ASIC2: variants seen among roughly 807,000 people sequenced by gnomAD.
The protein encoded by ASIC2 is acid-sensing ion channel 2.
Under a neutral mutation model 57.3 loss-of-function variants are expected in ASIC2, and 25 were observed. That is an observed-to-expected ratio of 0.44 (90% confidence interval 0.32 to 0.61). The LOEUF (loss-of-function observed/expected upper bound fraction) is 0.61. Ranked by LOEUF, ASIC2 falls within the 20% of genes least tolerant of loss-of-function variation. The probability of loss-of-function intolerance (pLI) is 0.06; values close to 1 mark genes in which losing one functional copy is unlikely to be tolerated. For missense variants in ASIC2, 641 were observed against 738.1 expected, an observed-to-expected ratio of 0.87 and a Z score of 1.52; for synonymous variants, 319 against 307.5, an observed-to-expected ratio of 1.04 and a Z score of -0.39.
intron 1 of ASIC2, among the ~76,000 whole-genome samples, chr17:34,132,421 G>A (rs572554058): frequency 2.6e-4 from 40 of 152,196 alleles, no homozygotes; most frequent in South Asian, 1.0e-3. Context: ...GCCGGGTGGA[G>A]GCCAGCTTTT....
At chr17:33,241,379 C>T (rs1908502053) in intron 1 of ASIC2, among the ~76,000 whole-genome samples, 1 of 152,194 alleles carries the variant, frequency 6.6e-6, no homozygotes, top group Admixed American at 6.5e-5. Flanking sequence ...TCCATTCATG[C>T]AATATTCAGC....
rs145594606 is a variant in ASIC2 at position 33,671,652 on chromosome 17, G to C, written c.555+484326C>G. The stretch of plus-strand genomic sequence containing the variant: ...GCCTGCGTGGACATCCACTTGGGAG[G>C]GTCCAAAGGTCTTGGGAAGGCTACA... On this transcript the variant is annotated intron_variant, in intron 1 of 9. Coordinates refer to the ASIC2 transcript ENST00000359872. Among the ~76,000 whole-genome samples, 722 of 152,232 alleles carry C rather than the reference G, an allele frequency of 4.7e-3. 8 individuals are homozygous for C. Among genetic ancestry groups the C allele is most frequent in the African/African-American group, 0.017 (689 of 41,532 alleles).
rs73984030 is a variant in ASIC2, at chr17:33,588,356, T to C, written c.556-476289A>G. On this transcript the variant is annotated intron_variant, in intron 1 of 9. Transcript: ENST00000359872. ...CTTAGGTAAATTCACTTTCTCTTTC[T>C]GGACCTCACCTCCCTCATCTGTTTG... 1.9e-3 allele frequency among the ~76,000 whole-genome samples: 293 copies of C among 152,332 alleles called. 2 individuals are homozygous for C. The highest frequency in any genetic ancestry group is 6.4e-3 in the African/African-American group (267 of 41,588).
intron 1 of ASIC2, among the ~76,000 whole-genome samples, chr17:34,022,533 A>G (rs1376645127): frequency 6.6e-6 from 1 of 151,982 alleles, no homozygotes; most frequent in Non-Finnish European, 1.5e-5. Context: ...CTTAATTAGT[A>G]TCTGCTATGT....
intron 1 of ASIC2, among the ~76,000 whole-genome samples, chr17:33,890,872 G>A (rs1236826675): frequency 1.3e-5 from 2 of 150,812 alleles, no homozygotes; most frequent in Non-Finnish European, 2.9e-5. Context: ...CTGTCCTTCA[G>A]ATCAGCACTC....
chr17:33,894,924 A>G (rs1915055217), intron 1 of ASIC2, among the ~76,000 whole-genome samples: 1 of 152,030 alleles, frequency 6.6e-6, no homozygotes, highest in African/African-American at 2.4e-5. Context: ...GGGAGGATGC[A>G]CCCCATGCAT....
At chr17:33,065,682 C>T (rs2092040616) in intron 3 of ASIC2, among the ~76,000 whole-genome samples, 1 of 152,024 alleles carries the variant, frequency 6.6e-6, no homozygotes, top group African/African-American at 2.4e-5. Flanking sequence ...TGTTAAGTGT[C>T]TACCATGTGC....
chr17:33,444,427 G>C (rs962168892), intron 1 of ASIC2, among the ~76,000 whole-genome samples: 3 of 152,208 alleles, frequency 2.0e-5, no homozygotes, highest in African/African-American at 7.2e-5. Context: ...GAAATAGTGA[G>C]GAGTGAGTCA....
chr17:33,921,396 T>C (rs1252349807), intron 1 of ASIC2, among the ~76,000 whole-genome samples: 1 of 152,248 alleles, frequency 6.6e-6, no homozygotes, highest in South Asian at 2.1e-4. Flanking sequence ...CTTGTAATCA[T>C]TGTTTTTAGT....
intron 1 of ASIC2, among the ~76,000 whole-genome samples, chr17:33,208,127 G>A (rs1907138294): frequency 6.6e-6 from 1 of 152,302 alleles, no homozygotes; most frequent in Non-Finnish European, 1.5e-5. Context: ...GACTGGGGGA[G>A]GTAAAGGGAA....
intron 1 of ASIC2, among the ~76,000 whole-genome samples, chr17:33,504,582 A>G (rs1914194307): frequency 6.6e-6 from 1 of 152,178 alleles, no homozygotes; most frequent in Non-Finnish European, 1.5e-5. Context: ...TCAGGTGATC[A>G]GCCTGTCTTG....
At chr17:33,631,153 C>T (rs72827239) in intron 1 of ASIC2, among the ~76,000 whole-genome samples, 44,996 of 151,858 alleles carry the variant, frequency 0.3, 6,833 homozygotes, top group East Asian at 0.42. Flanking sequence ...GGCCCTGAAG[C>T]CAGGCAACGT....
At chr17:33,561,063 G>A (rs1344031274) in intron 1 of ASIC2, among the ~76,000 whole-genome samples, 1 of 152,074 alleles carries the variant, frequency 6.6e-6, no homozygotes, top group Non-Finnish European at 1.5e-5. Flanking sequence ...GGGCCATAGG[G>A]TAATGAATGC....
At chr17:33,514,393 C>G (rs1030175479) in intron 1 of ASIC2, among the ~76,000 whole-genome samples, 1 of 152,102 alleles carries the variant, frequency 6.6e-6, no homozygotes, top group African/African-American at 2.4e-5. Context: ...TTCCACACCC[C>G]CCTCAACCTC....
At chr17:33,578,217 T>C (rs951922934) in intron 1 of ASIC2, among the ~76,000 whole-genome samples, 22 of 152,226 alleles carry the variant, frequency 1.4e-4, no homozygotes, top group African/African-American at 4.8e-4. Context: ...TTAGGAATGA[T>C]GAGACGTTCT....
At chr17:33,325,295 G>T (rs1489063365) in intron 1 of ASIC2, among the ~76,000 whole-genome samples, 1 of 152,218 alleles carries the variant, frequency 6.6e-6, no homozygotes, top group Admixed American at 6.5e-5. Context: ...AACACAAGGT[G>T]ACCTAAACAG....
intron 1 of ASIC2, chr17:34,001,437 G>C (rs1332207794): frequency 6.6e-6 from 1 of 152,396 alleles, no homozygotes; most frequent in Non-Finnish European, 1.5e-5. Context: ...GTGTAGGCCT[G>C]GACCCTGGGT....
chr17:33,707,370 C>T (rs543237357), intron 1 of ASIC2, among the ~76,000 whole-genome samples: 1 of 152,164 alleles, frequency 6.6e-6, no homozygotes, highest in South Asian at 2.1e-4. Flanking sequence ...CATTTTGAAC[C>T]TTCTGACTAA....
At chr17:33,895,029 C>G (rs948462718) in intron 1 of ASIC2, among the ~76,000 whole-genome samples, 1 of 152,168 alleles carries the variant, frequency 6.6e-6, no homozygotes, top group Non-Finnish European at 1.5e-5. Flanking sequence ...CGTTGCGCTG[C>G]TGGGTTGTAC....
Sources: gnomAD v4.1 joint callset for allele counts (sites outside exome capture counted in the v4.1 genomes callset) on GRCh38, gnomAD v4.1.1 for gene constraint, MANE v1.5 for transcripts, NCBI Gene and HGNC (gene_info 2026-07-23, HGNC 2026-07-21) for gene names.